Variants in CAPN9 observed in about 807,000 individuals in gnomAD.
The protein encoded by CAPN9 is calpain-9.
A neutral mutation model predicts 92.8 loss-of-function variants in CAPN9; 81 were observed. That is an observed-to-expected ratio of 0.87 (90% CI 0.73 to 1.05). The LOEUF is 1.05. Among genes scored for constraint, CAPN9 ranks in the 50% least tolerant of loss-of-function variants. The probability of loss-of-function intolerance (pLI) is 0.00; values close to 1 mark genes in which losing one functional copy is unlikely to be tolerated. For missense variants in CAPN9, 848 were observed against 866.2 expected, an observed-to-expected ratio of 0.98 and a Z score of 0.26; for synonymous variants, 304 against 328.0, an observed-to-expected ratio of 0.93 and a Z score of 0.79.
At chr1:230,781,606 G>A (rs192205277) in intron 11 of CAPN9, among the ~76,000 whole-genome samples, 1 of 152,138 alleles carries the variant, frequency 6.6e-6, no homozygotes, top group Middle Eastern at 3.2e-3. Flanking sequence ...GTGGCACAGG[G>A]GGAAAAATGG....
At chr1:230,770,982 G>T (rs1335526545) in intron 6 of CAPN9, among the ~76,000 whole-genome samples, 1 of 152,158 alleles carries the variant, frequency 6.6e-6, no homozygotes, top group Non-Finnish European at 1.5e-5. Context: ...TGGCTCCTTT[G>T]TCCTCCTTCA....
rs1383376895 is a variant in CAPN9, at chr1:230,767,551, A to G, written c.547A>G (p.Ser183Gly). ...TTGCCACCCTTGCAGGCTAAATGGG[A>G]GCTATGAAGCTCTGAAGGGAGGCAG... ...LEKAYAKLNG[S>G]YEALKGGSAI... The change falls in exon 5 of 20, where the codon AGC (serine) becomes GGC (glycine). Residue 183 changes from serine (S) to glycine (G), a missense_variant. By Grantham distance (56) the Ser-to-Gly change is moderately conservative (BLOSUM62 0). Coordinates refer to ENST00000271971, the MANE Select transcript of CAPN9 (RefSeq NM_006615.3). The G allele has an allele frequency of 1.2e-6, 2 of 1,610,044 alleles. No individual in the cohort carries two copies. Among genetic ancestry groups the G allele is most frequent in the African/African-American group, 2.7e-5 (2 of 74,500 alleles).
Position 230,780,608 on chromosome 1 carries a change from C to T in CAPN9, c.1381C>T (p.Leu461=). ...NLREVSDRFK[L]PPGEYILIPS... is the part of the protein sequence containing the mutation. ...GAGAGAAGTCTCCGACCGGTTCAAG[C>T]TGCCCCCTGGGGAGTACATCCTGAT... is the stretch of plus-strand genomic sequence containing the variant. Residue 461 remains leucine, a synonymous_variant, in exon 11 of 20, where the codon CTG becomes TTG. Coordinates refer to ENST00000271971, the MANE Select transcript of CAPN9 (RefSeq NM_006615.3). 6.2e-7 allele frequency: 1 copy of T among 1,614,174 alleles called. No homozygotes were observed. The highest frequency in any genetic ancestry group is 1.1e-5 in the South Asian group (1 of 91,082).
At chr1:230,761,719 T>C (rs1010625775) in intron 3 of CAPN9, among the ~76,000 whole-genome samples, 6 of 152,086 alleles carry the variant, frequency 3.9e-5, no homozygotes, top group African/African-American at 1.4e-4. Context: ...CTTTTCTTTT[T>C]ACTCTTAGAG....
At position 230,780,579 on chromosome 1, in the gene CAPN9, A is replaced by C; in HGVS notation, c.1352A>C (p.Asn451Thr). ...ASRARSKTFI[N>T]LREVSDRFKL... is the part of the protein sequence containing the mutation. ...CGGGCCAGAAGCAAGACGTTCATCA[A>C]CCTGAGAGAAGTCTCCGACCGGTTC... Residue 451 changes from asparagine (N) to threonine (T), a missense_variant, in exon 11 of 20, where the codon AAC becomes ACC. Physicochemically the swap from Asn to Thr is moderately conservative, Grantham distance 65. Coordinates refer to ENST00000271971, the MANE Select transcript of CAPN9 (RefSeq NM_006615.3). The C allele has an allele frequency of 1.2e-6, 2 of 1,614,172 alleles. No individual in the cohort carries two copies. Among genetic ancestry groups the C allele is most frequent in the Non-Finnish European group, 1.7e-6 (2 of 1,180,032 alleles).
chr1:230,800,266 G>GA (rs1013133378), intron 19 of CAPN9, among the ~76,000 whole-genome samples: 1 of 130,222 alleles, frequency 7.7e-6, no homozygotes, highest in Non-Finnish European at 1.6e-5. Context: ...AAGAAAGAAA[G>GA]AAAGAAAGAA....
At chr1:230,780,039 A>T in intron 9 of CAPN9, 140 bp from the exon 10 acceptor site, 1 of 637,870 alleles carries the variant, frequency 1.6e-6, no homozygotes, top group Non-Finnish European at 2.6e-6. Flanking sequence ...TTACTTTCTC[A>T]TGTTTGGTAG....
At chr1:230,769,089 T>G (rs1572038878) in intron 5 of CAPN9, 91 bp from the exon 6 acceptor site, 1 of 1,002,724 alleles carries the variant, frequency 1.0e-6, no homozygotes, top group Non-Finnish European at 1.6e-6. Context: ...GGCTGGAGGT[T>G]GTGACCGGGC....
chr1:230,775,897 A>G (rs966703335), intron 8 of CAPN9, among the ~76,000 whole-genome samples: 13 of 149,448 alleles, frequency 8.7e-5, no homozygotes, highest in African/African-American at 2.5e-4. Flanking sequence ...AGCCTGGACA[A>G]CAGAGTGATA....
At chr1:230,758,140 AAC>A (rs1212100091) in intron 2 of CAPN9, among the ~76,000 whole-genome samples, 2 of 152,162 alleles carry the variant, frequency 1.3e-5, no homozygotes, top group Non-Finnish European at 2.9e-5. Flanking sequence ...TCTGGCTGAA[AAC>A]ACGTGAGGTG....
intron 19 of CAPN9, among the ~76,000 whole-genome samples, chr1:230,798,682 G>T (rs1668500433): frequency 6.6e-6 from 1 of 152,192 alleles, no homozygotes; most frequent in Admixed American, 6.5e-5. Flanking sequence ...CAATGACGGG[G>T]GTGGGAGACC....
At chr1:230,774,401 C>T (rs1203827862) in intron 7 of CAPN9, among the ~76,000 whole-genome samples, 153 bp from the exon 8 acceptor site, 2 of 152,226 alleles carry the variant, frequency 1.3e-5, no homozygotes, top group African/African-American at 4.8e-5. Flanking sequence ...GGCTCACCTG[C>T]CGCTACATCC....
At chr1:230,792,341 C>T in intron 15 of CAPN9, 85 bp from the exon 16 acceptor site, 1 of 1,154,756 alleles carries the variant, frequency 8.7e-7, no homozygotes. Flanking sequence ...ATCGGCCCTC[C>T]CCCTCTGCAG....
At chr1:230,792,740 C>A (rs1354501769) in intron 16 of CAPN9, 110 bp from the exon 17 acceptor site, 6 of 928,046 alleles carry the variant, frequency 6.5e-6, no homozygotes, top group Non-Finnish European at 1.0e-5. Context: ...ACTGTGGCCT[C>A]TGCGGCCCCT....
At chr1:230,798,304 G>T in intron 19 of CAPN9, 84 bp downstream of exon 19, 1 of 875,014 alleles carries the variant, frequency 1.1e-6, no homozygotes, top group South Asian at 1.4e-5. Context: ...CCGAATGCTT[G>T]ATTTCATGCA....
At chr1:230,778,131 C>T (rs1666948793) in intron 8 of CAPN9, among the ~76,000 whole-genome samples, 1 of 152,180 alleles carries the variant, frequency 6.6e-6, no homozygotes, top group Non-Finnish European at 1.5e-5. Flanking sequence ...TGCCCCACCA[C>T]AGCCTTCCCC....
chr1:230,792,676 A>C (rs1482106298), intron 16 of CAPN9, among the ~76,000 whole-genome samples, 174 bp from the exon 17 acceptor site: 1 of 152,200 alleles, frequency 6.6e-6, no homozygotes, highest in Non-Finnish European at 1.5e-5. Context: ...GCTTCCACCC[A>C]AGACGAAAAG....
At chr1:230,752,565 TG>T (rs1256292926) in intron 1 of CAPN9, 6 of 436,174 alleles carry the variant, frequency 1.4e-5, no homozygotes, top group Non-Finnish European at 1.8e-5. Flanking sequence ...TTGGTACGGT[TG>T]GCGGGGCCAG....
In CAPN9 at chr1:230,766,166, G is replaced by T. The variant is rs568380237; in HGVS notation, c.537-1375G>T. Among the ~76,000 whole-genome samples, 8 of 152,188 alleles carry T rather than the reference G, an allele frequency of 5.3e-5. No homozygotes were observed. The East Asian group carries it at 1.5e-3, about 29-fold the overall frequency. On this transcript the variant is annotated intron_variant, in intron 4 of 19. Coordinates refer to ENST00000271971, the MANE Select transcript of CAPN9 (RefSeq NM_006615.3). ...ACTAGAGTGCAGTGGCACCGTAATA[G>T]CTCACTGCAGCCTGCAACTCCTGGG...
Sources: gnomAD v4.1 joint callset for allele counts (sites outside exome capture counted in the v4.1 genomes callset) on GRCh38, gnomAD v4.1.1 for gene constraint, MANE v1.5 for transcripts, NCBI Gene and HGNC (gene_info 2026-07-23, HGNC 2026-07-21) for gene names.